The following CPXM2 variants were observed in gnomAD, a reference collection of about 807,000 sequenced individuals.
CPXM2 encodes the protein inactive carboxypeptidase-like protein X2.
CPXM2 carries 66 observed loss-of-function variants against 86.1 expected under a neutral mutation model. The ratio of observed to expected loss-of-function variants is 0.77; its 90% CI spans 0.63 to 0.94. The LOEUF is 0.94. Ranked by LOEUF, CPXM2 falls within the 40% of genes least tolerant of loss-of-function variation. The probability of loss-of-function intolerance (pLI) is 0.00; values close to 1 mark genes in which losing one functional copy is unlikely to be tolerated. For synonymous variants in CPXM2, 388 were observed against 400.2 expected (o/e 0.97, Z 0.36); for missense variants, 948 against 1,026.3 (o/e 0.92, Z 1.04).
At position 123,746,864 on chromosome 10, in the gene CPXM2, G is replaced by C. The variant is rs1247799371; in HGVS notation, c.2171C>G (p.Ala724Gly). ...CDFTLSKTNM[A>G]RIREIMEKFG... ...CTTCTCCATGATCTCTCGGATCCTG[G>C]CCATGTTGGTTTTGCTAAGTGTGAA... The change falls in exon 14 of 14, where the codon GCC becomes GGC. Residue 724 changes from alanine (A) to glycine (G), a missense_variant. By Grantham distance (60) the Ala-to-Gly change is moderately conservative (BLOSUM62 0). Transcript: ENST00000241305. 1 of 1,614,026 alleles carries C rather than the reference G, an allele frequency of 6.2e-7. No homozygotes were observed. Among genetic ancestry groups the C allele is most frequent in the Non-Finnish European group, 8.5e-7 (1 of 1,180,038 alleles).
rs552594507 is a variant in CPXM2 at position 123,938,495 on chromosome 10, T to A, written n.174+982A>T. On this transcript the variant is annotated intron_variant and non_coding_transcript_variant, in intron 2 of 19. Transcript: ENST00000368854. The stretch of plus-strand genomic sequence containing the variant: ...GAGTAGCTCTTTCCCCTTGTCTCTT[T>A]CTTTTTACTAGGAAGGGAACAATTT... Among the ~76,000 whole-genome samples, 3 of 151,018 alleles carry A rather than the reference T, an allele frequency of 2.0e-5. No individual in the cohort carries two copies. In the South Asian group the frequency reaches 6.2e-4, roughly 31 times the overall value.
upstream of CPXM2, among the ~76,000 whole-genome samples, chr10:123,941,257 G>A (rs1406878983): frequency 6.6e-6 from 1 of 152,224 alleles, no homozygotes; most frequent in African/African-American, 2.4e-5. Flanking sequence ...TAAGATCAAG[G>A]TGTGGCTAGG....
At chr10:123,777,405 C>T (rs867723357) in intron 7 of CPXM2, 1 of 152,616 alleles carries the variant, frequency 6.6e-6, no homozygotes, top group East Asian at 1.9e-4. Context: ...CCAGGCCTCT[C>T]TCTCTCCCCA....
At chr10:123,788,528 G>C (rs1421463152) in intron 6 of CPXM2, among the ~76,000 whole-genome samples, 1 of 152,166 alleles carries the variant, frequency 6.6e-6, no homozygotes, top group Non-Finnish European at 1.5e-5. Flanking sequence ...ATCAGAGCTA[G>C]CATGAACCCT....
At chr10:123,843,234 A>C (rs1414487780) in intron 3 of CPXM2, 1 of 452,638 alleles carries the variant, frequency 2.2e-6, no homozygotes, top group Non-Finnish European at 4.4e-6. Context: ...CTACAAGCAC[A>C]CACCACCATG....
At chr10:123,913,326 A>G (rs1945505308) in intron 2 of CPXM2, among the ~76,000 whole-genome samples, 2 of 152,306 alleles carry the variant, frequency 1.3e-5, no homozygotes, top group South Asian at 4.1e-4. Flanking sequence ...GATAAACTCA[A>G]AAGAGAATAT....
rs1039822823 is a variant in CPXM2, at chr10:123,793,357, G to A, written c.889+4619C>T. 7.9e-5 allele frequency among the ~76,000 whole-genome samples: 12 copies of A among 151,362 alleles called. No homozygotes were observed. In the East Asian group the frequency reaches 2.0e-3, roughly 25 times the overall value. On this transcript the variant is annotated intron_variant, in intron 6 of 13. Coordinates refer to ENST00000241305, the MANE Select transcript of CPXM2 (RefSeq NM_198148.3). ...CGGGGGCCTGTAGTCCCAGCTACCC[G>A]GAGGCTAAGGCAGGAGAATAGCGTG...
intron 6 of CPXM2, among the ~76,000 whole-genome samples, chr10:123,784,047 G>T (rs1305964905): frequency 6.6e-6 from 1 of 152,184 alleles, no homozygotes; most frequent in Non-Finnish European, 1.5e-5. Context: ...CCAAAGAAAA[G>T]CTATGTTGGA....
chr10:123,884,573 A>G (rs1443414504), intron 1 of CPXM2, among the ~76,000 whole-genome samples: 3 of 152,156 alleles, frequency 2.0e-5, no homozygotes, highest in Non-Finnish European at 4.4e-5. Context: ...GCTGGCTTCT[A>G]TCCATCTCAA....
intron 1 of CPXM2, among the ~76,000 whole-genome samples, chr10:123,883,887 CAG>C (rs1253749571): frequency 1.3e-5 from 2 of 152,112 alleles, no homozygotes; most frequent in East Asian, 3.9e-4. Context: ...AAAATGGAAA[CAG>C]TGTGCAGAGA....
At chr10:123,917,014 TG>T (rs1364426814) in intron 2 of CPXM2, among the ~76,000 whole-genome samples, 2 of 149,672 alleles carry the variant, frequency 1.3e-5, no homozygotes, top group Non-Finnish European at 3.0e-5. Flanking sequence ...GATAGGGAGA[TG>T]GGGGGCAGAG....
chr10:123,785,316 C>T (rs1303143776), intron 6 of CPXM2, among the ~76,000 whole-genome samples: 1 of 152,176 alleles, frequency 6.6e-6, no homozygotes, highest in African/African-American at 2.4e-5. Context: ...TCCCTATTCC[C>T]TGCACCGCCC....
intron 6 of CPXM2, among the ~76,000 whole-genome samples, chr10:123,795,927 T>C (rs527730350): frequency 6.6e-6 from 1 of 152,186 alleles, no homozygotes; most frequent in African/African-American, 2.4e-5. Flanking sequence ...ACAGATGAGT[T>C]CCTACCCGCA....
At chr10:123,799,745 C>T (rs1462169001) in intron 4 of CPXM2, among the ~76,000 whole-genome samples, 3 of 152,116 alleles carry the variant, frequency 2.0e-5, no homozygotes, top group Non-Finnish European at 4.4e-5. Flanking sequence ...CAGACAATCC[C>T]CACCCCAGGA....
chr10:123,809,687 C>T (rs1431580136), intron 4 of CPXM2, among the ~76,000 whole-genome samples: 1 of 151,894 alleles, frequency 6.6e-6, no homozygotes, highest in South Asian at 2.1e-4. Flanking sequence ...AGATGAAGAA[C>T]CTGAGACACA....
intron 4 of CPXM2, among the ~76,000 whole-genome samples, chr10:123,832,841 G>A (rs1848192145): frequency 3.1e-5 from 3 of 97,172 alleles, no homozygotes; most frequent in African/African-American, 1.8e-4. Flanking sequence ...AAAAAAAGAA[G>A]TGGGTCTTTG....
In CPXM2 at chr10:123,754,770, G is replaced by A; in HGVS notation, c.1918-8C>T. 1 of 1,544,372 alleles carries A rather than the reference G, an allele frequency of 6.5e-7. No homozygotes were observed. ...TTTAATGCCACGATGAACCTGCTCA[G>A]CAAACATGAGACACAGGGTGAGGTC... On this transcript the variant is annotated splice_polypyrimidine_tract_variant and splice_region_variant and intron_variant, in intron 12 of 13. Coordinates refer to ENST00000241305, the MANE Select transcript of CPXM2 (RefSeq NM_198148.3). This position sits in a 1 kb window ranked among gnomAD's most constrained non-coding sequence, Gnocchi z 4.0.
chr10:123,934,048 G>C (rs78978962), intron 2 of CPXM2, among the ~76,000 whole-genome samples: 9,433 of 152,192 alleles, frequency 0.062, 550 homozygotes, highest in African/African-American at 0.15. Context: ...CCTGGAGCCG[G>C]GGTAAGTCCT....
At chr10:123,775,723 C>T (rs1280625242) in intron 7 of CPXM2, among the ~76,000 whole-genome samples, 1 of 152,206 alleles carries the variant, frequency 6.6e-6, no homozygotes, top group Non-Finnish European at 1.5e-5. Flanking sequence ...GCATCTTTCC[C>T]ACATGAGACC....
Sources: allele counts gnomAD v4.1 joint callset (sites outside exome capture counted in the v4.1 genomes callset), GRCh38; gene constraint gnomAD v4.1.1; non-coding constraint Gnocchi (gnomAD v3.1); transcripts MANE v1.5; gene names NCBI Gene and HGNC (gene_info 2026-07-23, HGNC 2026-07-21).